Variants in CEP112 observed in about 807,000 individuals in gnomAD.
The protein encoded by CEP112 is centrosomal protein 112.
Under a neutral mutation model 153.0 loss-of-function variants are expected in CEP112, and 127 were observed. The ratio of observed to expected loss-of-function variants is 0.83; its 90% CI spans 0.72 to 0.96. CEP112 has a LOEUF of 0.96. Ranked by LOEUF, CEP112 falls within the 40% of genes least tolerant of loss-of-function variation. CEP112 has a pLI of 0.00. For synonymous variants in CEP112, 358 were observed against 374.4 expected, an observed-to-expected ratio of 0.96 and a Z score of 0.51; for missense variants, 1,089 against 1,101.2, an observed-to-expected ratio of 0.99 and a Z score of 0.16.
At chr17:66,125,350 T>C (rs1011820711) in intron 6 of CEP112, among the ~76,000 whole-genome samples, 2 of 152,040 alleles carry the variant, frequency 1.3e-5, no homozygotes, top group African/African-American at 2.4e-5. Flanking sequence ...TCCCAGACCA[T>C]TGCGTAGTAT....
intron 21 of CEP112, among the ~76,000 whole-genome samples, chr17:65,814,572 T>C (rs2056165204): frequency 6.6e-6 from 1 of 152,178 alleles, no homozygotes; most frequent in African/African-American, 2.4e-5. Flanking sequence ...TTTGTATTAT[T>C]AGTAAGGATA....
intron 19 of CEP112, among the ~76,000 whole-genome samples, chr17:65,925,259 C>T (rs906588788): frequency 2.6e-5 from 4 of 152,196 alleles, no homozygotes; most frequent in African/African-American, 4.8e-5. Context: ...TTTGCTTCTC[C>T]TTCTGCCATG....
At chr17:66,092,744 C>T (rs1367465979) in intron 8 of CEP112, among the ~76,000 whole-genome samples, 4 of 152,020 alleles carry the variant, frequency 2.6e-5, no homozygotes, top group African/African-American at 9.7e-5. Flanking sequence ...ATGTTGTACA[C>T]CAATTAACAG....
At chr17:66,118,816 T>TATCAC (rs2069428906) in intron 6 of CEP112, among the ~76,000 whole-genome samples, 1 of 152,152 alleles carries the variant, frequency 6.6e-6, no homozygotes, top group South Asian at 2.1e-4. Context: ...TGTATCAAAA[T>TATCAC]ATCACATCCC....
chr17:65,673,485 C>G (rs2047082658), intron 24 of CEP112, among the ~76,000 whole-genome samples: 3 of 152,274 alleles, frequency 2.0e-5, no homozygotes, highest in Middle Eastern at 3.4e-3. Context: ...TTGATTATAT[C>G]TGCAAAATCT....
At position 65,792,040 on chromosome 17, in the gene CEP112, T is replaced by C. The variant is rs138051821; in HGVS notation, c.2395-41316A>G. Among the ~76,000 whole-genome samples the C allele has an allele frequency of 1.2e-4, 19 of 152,298 alleles. No individual in the cohort carries two copies. In the East Asian group the frequency reaches 3.5e-3, roughly 28 times the overall value. On this transcript the variant is annotated intron_variant, in intron 21 of 26. Coordinates refer to ENST00000535342, the MANE Select transcript of CEP112 (RefSeq NM_001199165.4). ...TGATCCTCATTCATTTTCAACCAAA[T>C]ATCCAAATTCATTTCCAATTCACAC...
At chr17:66,067,155 A>G (rs1383913353) in intron 9 of CEP112, among the ~76,000 whole-genome samples, 1 of 152,106 alleles carries the variant, frequency 6.6e-6, no homozygotes, top group Non-Finnish European at 1.5e-5. Flanking sequence ...CCTAGTCAGA[A>G]GTTCACGTTT....
intron 8 of CEP112, among the ~76,000 whole-genome samples, chr17:66,073,384 A>G (rs2067370651): frequency 6.6e-6 from 1 of 152,204 alleles, no homozygotes; most frequent in Admixed American, 6.5e-5. Flanking sequence ...CAGTTAAAGA[A>G]TCTTAAATGC....
At chr17:65,672,655 CG>C (rs2047044073) in intron 24 of CEP112, among the ~76,000 whole-genome samples, 1 of 152,114 alleles carries the variant, frequency 6.6e-6, no homozygotes. Context: ...ACTTGCTTAA[CG>C]TTCCATAGCA....
At chr17:65,952,301 A>G (rs539610176) in intron 18 of CEP112, among the ~76,000 whole-genome samples, 26 of 152,134 alleles carry the variant, frequency 1.7e-4, no homozygotes, top group Non-Finnish European at 3.7e-4. Flanking sequence ...ATCCACCCAC[A>G]GAAGATGAGA....
intron 20 of CEP112, among the ~76,000 whole-genome samples, chr17:65,853,661 G>T (rs1333191982): frequency 1.3e-5 from 2 of 151,612 alleles, no homozygotes; most frequent in African/African-American, 4.8e-5. Context: ...CTGGGAGGTG[G>T]AGGTTGCAGT....
At chr17:65,745,333 T>A (rs1047427338) in intron 22 of CEP112, among the ~76,000 whole-genome samples, 1 of 152,236 alleles carries the variant, frequency 6.6e-6, no homozygotes, top group Non-Finnish European at 1.5e-5. Flanking sequence ...TCATCCATTT[T>A]CTGAATTTTG....
chr17:66,178,466 T>C (rs985915345), intron 2 of CEP112, among the ~76,000 whole-genome samples: 4 of 152,288 alleles, frequency 2.6e-5, no homozygotes, highest in African/African-American at 9.6e-5. Context: ...GGTTATTCCC[T>C]TGTCAGATGA....
At chr17:65,719,297 G>A (rs373632781) in intron 23 of CEP112, among the ~76,000 whole-genome samples, 13 of 152,300 alleles carry the variant, frequency 8.5e-5, no homozygotes, top group African/African-American at 2.9e-4. Flanking sequence ...ACATTAGTCC[G>A]GGCGCAGGGG....
chr17:66,018,780 A>T (rs892474535), intron 16 of CEP112, among the ~76,000 whole-genome samples: 1 of 152,202 alleles, frequency 6.6e-6, no homozygotes, highest in South Asian at 2.1e-4. Flanking sequence ...TTTGTTAAAC[A>T]GTTCCATCAG....
Position 65,635,779 on chromosome 17 carries a change from ATAACT to A in CEP112, c.*187_*191del. 1 of 587,090 alleles carries A rather than the reference ATAACT, an allele frequency of 1.7e-6. No individual in the cohort carries two copies. The highest frequency in any genetic ancestry group is 2.6e-4 in the Middle Eastern group (1 of 3,814). The allele number at this position is 587,090 out of a possible 1,614,324, so 36.4% of individuals were successfully genotyped here. On this transcript the variant is annotated 3_prime_UTR_variant, in exon 27 of 27. Coordinates refer to ENST00000535342, the MANE Select transcript of CEP112 (RefSeq NM_001199165.4). ...TCGGAAATAAAGGAATGTTAAAAAA[ATAACT>A]TAGGCAGACACAAATAAAACCACCC... is the stretch of plus-strand genomic sequence containing the variant.
intron 19 of CEP112, among the ~76,000 whole-genome samples, chr17:65,909,863 T>C (rs919651665): frequency 1.4e-4 from 22 of 152,192 alleles, no homozygotes; most frequent in Admixed American, 1.1e-3. Flanking sequence ...GTTGAAATTA[T>C]GCTGAGGATT....
intron 8 of CEP112, among the ~76,000 whole-genome samples, chr17:66,077,700 A>C (rs1314999142): frequency 6.6e-6 from 1 of 152,200 alleles, no homozygotes; most frequent in Non-Finnish European, 1.5e-5. Flanking sequence ...CAAATACAAG[A>C]AGCACAAAGA....
intron 20 of CEP112, among the ~76,000 whole-genome samples, chr17:65,865,879 G>A (rs1002823341): frequency 2.6e-5 from 4 of 152,220 alleles, no homozygotes; most frequent in African/African-American, 9.6e-5. Context: ...GCACAGAAGG[G>A]TGGACAGAGA....
Sources: allele counts gnomAD v4.1 joint callset (sites outside exome capture counted in the v4.1 genomes callset), GRCh38; gene constraint gnomAD v4.1.1; transcripts MANE v1.5; gene names NCBI Gene and HGNC (gene_info 2026-07-23, HGNC 2026-07-21).